Variants in IL16 observed in about 807,000 individuals in gnomAD.
IL16 encodes pro-interleukin-16.
A neutral mutation model predicts 110.1 loss-of-function variants in IL16; 67 were observed. That is an observed-to-expected ratio of 0.61 (90% CI 0.50 to 0.75). The LOEUF (loss-of-function observed/expected upper bound fraction) is 0.75. Ranked by LOEUF, IL16 falls within the 30% of genes least tolerant of loss-of-function variation. The pLI is 0.00. For missense variants in IL16, 1,545 were observed against 1,655.0 expected (o/e 0.93, Z 1.15); for synonymous variants, 689 against 662.9 (o/e 1.04, Z -0.61).
rs1193389936 is a variant in IL16, at chr15:81,300,005, C to T, written c.2679C>T (p.Pro893=). 1 of 1,584,482 alleles carries T rather than the reference C, an allele frequency of 6.3e-7. No individual in the cohort carries two copies. Among genetic ancestry groups the T allele is most frequent in the East Asian group, 2.2e-5 (1 of 44,592 alleles). The change falls in exon 14 of 19, where the codon CCC becomes CCT. Residue 893 remains proline, a synonymous_variant. Coordinates refer to ENST00000683961, the MANE Select transcript of IL16 (RefSeq NM_172217.5). ...GACTCTTGGGGCGAGGGGCTGCACC[C>T]ACTCTTGTGCCCCAGCAGCCTGAGC... ...FSGLLGRGAA[P]TLVPQQPEQV... is the part of the protein sequence containing the mutation.
At chr15:81,254,229 A>T (rs529921853) in intron 2 of IL16, among the ~76,000 whole-genome samples, 16 of 152,340 alleles carry the variant, frequency 1.1e-4, no homozygotes, top group African/African-American at 3.6e-4. Context: ...AATGCCAGTG[A>T]TGTCAGCCAG....
intron 10 of IL16, among the ~76,000 whole-genome samples, chr15:81,286,426 T>C (rs1371143162): frequency 6.6e-6 from 1 of 152,152 alleles, no homozygotes; most frequent in Non-Finnish European, 1.5e-5. Flanking sequence ...AAAAGGGACC[T>C]GACATGGAAG....
chr15:81,229,658 A>G (rs190065610), intron 2 of IL16, among the ~76,000 whole-genome samples: 54 of 152,326 alleles, frequency 3.5e-4, no homozygotes, highest in East Asian at 1.2e-3. Flanking sequence ...GGCCAAAGGC[A>G]ACAGCAGGTC....
intron 12 of IL16, among the ~76,000 whole-genome samples, chr15:81,293,966 A>G (rs1173943302): frequency 6.6e-6 from 1 of 152,208 alleles, no homozygotes; most frequent in Non-Finnish European, 1.5e-5. Context: ...ACAGTTACCC[A>G]CTATGCAATG....
At chr15:81,246,420 A>G (rs1804844663) in intron 2 of IL16, among the ~76,000 whole-genome samples, 1 of 152,262 alleles carries the variant, frequency 6.6e-6, no homozygotes, top group African/African-American at 2.4e-5. Context: ...TATAAAATGA[A>G]TACATACACT....
At chr15:81,237,957 T>C (rs1483202760) in intron 2 of IL16, among the ~76,000 whole-genome samples, 1 of 152,150 alleles carries the variant, frequency 6.6e-6, no homozygotes. Flanking sequence ...CAGGCTGGAG[T>C]GCAGTGATGC....
At chr15:81,305,716 A>C (rs189378971) in intron 16 of IL16, 192 bp from the exon 17 acceptor site, 95 of 633,836 alleles carry the variant, frequency 1.5e-4, no homozygotes, top group Non-Finnish European at 2.2e-4. Context: ...ACTGCTGGTG[A>C]TCTCTGCTCT....
chr15:81,265,898 T>A, intron 4 of IL16, 97 bp downstream of exon 4: 1 of 1,191,484 alleles, frequency 8.4e-7, no homozygotes, highest in South Asian at 1.5e-5. Flanking sequence ...TCCCAGTAGT[T>A]TTTTTGTCCG....
chr15:81,284,022 AAG>A (rs71451572), intron 9 of IL16, among the ~76,000 whole-genome samples: 2 of 146,138 alleles, frequency 1.4e-5, no homozygotes, highest in East Asian at 2.0e-4. Flanking sequence ...AAAAAAAAAA[AAG>A]AGAGAGAGAA....
chr15:81,187,776 C>G (rs933285230), intron 1 of IL16, among the ~76,000 whole-genome samples: 3 of 152,198 alleles, frequency 2.0e-5, no homozygotes, highest in Admixed American at 6.5e-5. Context: ...CCTGCAAAGG[C>G]CCCCAGTTGT....
At chr15:81,305,423 C>T (rs1469435359) in intron 16 of IL16, among the ~76,000 whole-genome samples, 4 of 152,022 alleles carry the variant, frequency 2.6e-5, no homozygotes, top group Non-Finnish European at 4.4e-5. Flanking sequence ...CAACACTGTG[C>T]GGGGCCAAGG....
intron 2 of IL16, among the ~76,000 whole-genome samples, chr15:81,230,737 C>T (rs1896943177): frequency 1.3e-5 from 2 of 152,142 alleles, no homozygotes; most frequent in African/African-American, 2.4e-5. Context: ...CATTATGGAG[C>T]TTCCCTAGAA....
chr15:81,273,573 C>T (rs998831126), intron 6 of IL16, among the ~76,000 whole-genome samples: 6 of 152,108 alleles, frequency 3.9e-5, no homozygotes, highest in East Asian at 1.9e-4. Flanking sequence ...TGCTGGGATC[C>T]GTTAACACCC....
At chr15:81,203,312 G>A (rs1365693349) in intron 1 of IL16, among the ~76,000 whole-genome samples, 1 of 152,126 alleles carries the variant, frequency 6.6e-6, no homozygotes, top group African/African-American at 2.4e-5. Flanking sequence ...CTGTGCAGAA[G>A]CTCTTTAGTT....
chr15:81,239,675 C>G (rs1476733950), intron 2 of IL16, among the ~76,000 whole-genome samples: 1 of 152,154 alleles, frequency 6.6e-6, no homozygotes, highest in Non-Finnish European at 1.5e-5. Flanking sequence ...ATCTTGGCAC[C>G]CTGGTTGTGG....
At chr15:81,278,715 A>G (rs1899025383) in intron 6 of IL16, 102 bp from the exon 7 acceptor site, 1 of 815,634 alleles carries the variant, frequency 1.2e-6, no homozygotes, top group East Asian at 2.5e-5. Context: ...TTCGTGCATC[A>G]TACAAAAAGC....
intron 11 of IL16, 168 bp from the exon 12 acceptor site, chr15:81,292,388 G>T: frequency 1.0e-6 from 1 of 972,500 alleles, no homozygotes; most frequent in Non-Finnish European, 1.6e-6. Context: ...CATACAGCTC[G>T]CCAGGGACCA....
chr15:81,248,377 CTTCTT>C (rs1419491728), intron 2 of IL16, among the ~76,000 whole-genome samples: 1 of 151,578 alleles, frequency 6.6e-6, no homozygotes, highest in Non-Finnish European at 1.5e-5. Flanking sequence ...AACTGTTTGT[CTTCTT>C]TTATTTTACC....
intron 2 of IL16, among the ~76,000 whole-genome samples, chr15:81,229,500 G>A (rs2142053274): frequency 6.6e-6 from 1 of 152,210 alleles, no homozygotes; most frequent in South Asian, 2.1e-4. Context: ...ACAACAGAGA[G>A]GGGCATTGTC....
Sources: allele counts gnomAD v4.1 joint callset (sites outside exome capture counted in the v4.1 genomes callset), GRCh38; gene constraint gnomAD v4.1.1; transcripts MANE v1.5; gene names NCBI Gene and HGNC (gene_info 2026-07-23, HGNC 2026-07-21).